The following TENM2 variants were observed in gnomAD, a reference collection of about 807,000 sequenced individuals.
TENM2 encodes the protein teneurin transmembrane protein 2.
In TENM2, 52 loss-of-function variants were observed where a neutral mutation model predicts 245.2. The observed-to-expected ratio is 0.21, with a 90% CI of 0.17 to 0.27. The LOEUF is 0.27. Ranked by LOEUF, TENM2 falls within the 10% of genes least tolerant of loss-of-function variation. The probability of loss-of-function intolerance (pLI) is 1.00; values close to 1 mark genes in which losing one functional copy is unlikely to be tolerated. For synonymous variants in TENM2, 1,363 were observed against 1,438.9 expected, an observed-to-expected ratio of 0.95 and a Z score of 1.19; for missense variants, 3,046 against 3,666.8, an observed-to-expected ratio of 0.83 and a Z score of 4.37.
At chr5:167,473,486 TTTTAAAAATATA>T (rs1419228863) in intron 2 of TENM2, among the ~76,000 whole-genome samples, 2 of 152,222 alleles carry the variant, frequency 1.3e-5, no homozygotes, top group East Asian at 3.8e-4. Flanking sequence ...CATTCTGAAT[TTTTAAAAATATA>T]TTTGAAAATA....
At chr5:167,962,026 T>C (rs1272914075) in intron 4 of TENM2, among the ~76,000 whole-genome samples, 2 of 152,232 alleles carry the variant, frequency 1.3e-5, no homozygotes, top group Non-Finnish European at 2.9e-5. Flanking sequence ...TTTCTAGATT[T>C]ATTTTGAATA....
intron 2 of TENM2, among the ~76,000 whole-genome samples, chr5:167,695,711 C>T (rs1269017851): frequency 6.7e-6 from 1 of 149,514 alleles, no homozygotes; most frequent in Non-Finnish European, 1.5e-5. Context: ...TGAATTTCTA[C>T]TTAGAATGGT....
intron 2 of TENM2, among the ~76,000 whole-genome samples, chr5:167,669,567 G>A (rs1203741539): frequency 6.6e-6 from 1 of 151,880 alleles, no homozygotes; most frequent in East Asian, 1.9e-4. Context: ...ATTATATATT[G>A]TGCTTTTTTT....
chr5:168,218,195 A>G lies in TENM2; in HGVS notation c.4304A>G (p.Asn1435Ser), dbSNP rs776136232. ...AACTCCTTGTATGTTCTAGAGAACA[A>G]TGTCATCCTTCGAATCACCGAGAAC... The change falls in exon 23 of 29, where the codon AAT (asparagine) becomes AGT (serine). Residue 1435 changes from asparagine (N) to serine (S), a missense_variant. Transcript: ENST00000518659. This position sits in a 1 kb window ranked among gnomAD's most constrained non-coding sequence, Gnocchi z 5.2. The G allele has an allele frequency of 2.0e-5, 32 of 1,613,738 alleles. No homozygotes were observed. The highest frequency in any genetic ancestry group is 2.7e-5 in the Non-Finnish European group (32 of 1,179,880).
chr5:167,284,752 CTA>C, upstream of TENM2: 2 of 997,606 alleles, frequency 2.0e-6, no homozygotes, highest in Non-Finnish European at 3.0e-6. Flanking sequence ...GTTTTTTCTT[CTA>C]TGTTTTCAGG....
chr5:168,104,003 GGTTTGTTTGTTT>G (rs61381928), intron 9 of TENM2, among the ~76,000 whole-genome samples: 275 of 150,000 alleles, frequency 1.8e-3, no homozygotes, highest in Middle Eastern at 0.014. Context: ...TTTCTTTTCT[GGTTTGTTTGTTT>G]GTTTGTTTGT....
chr5:167,315,327 A>G (rs1002150033), intron 1 of TENM2, among the ~76,000 whole-genome samples: 1 of 152,122 alleles, frequency 6.6e-6, no homozygotes, highest in African/African-American at 2.4e-5. Context: ...TATGTTTGTT[A>G]ACTTATGTTT....
At chr5:167,370,992 T>G (rs1323514263) in intron 1 of TENM2, among the ~76,000 whole-genome samples, 1 of 152,170 alleles carries the variant, frequency 6.6e-6, no homozygotes, top group Non-Finnish European at 1.5e-5. Context: ...AAACAGTAAG[T>G]TGAGCTAGTA....
At chr5:167,443,406 CAG>C (rs1244776169) in intron 2 of TENM2, among the ~76,000 whole-genome samples, 1 of 152,174 alleles carries the variant, frequency 6.6e-6, no homozygotes, top group Non-Finnish European at 1.5e-5. Flanking sequence ...CCCACAAAGA[CAG>C]AGTTGAAAAG....
At chr5:168,084,826 C>T (rs1792308056) in intron 7 of TENM2, among the ~76,000 whole-genome samples, 1 of 152,178 alleles carries the variant, frequency 6.6e-6, no homozygotes, top group South Asian at 2.1e-4. Context: ...TTTCTCTGCC[C>T]CAGTGTGATG....
chr5:167,774,785 G>A (rs1056154852), intron 2 of TENM2, among the ~76,000 whole-genome samples: 1 of 152,134 alleles, frequency 6.6e-6, no homozygotes, highest in African/African-American at 2.4e-5. Flanking sequence ...TTCGAGGACT[G>A]TCAGCAGCAA....
intron 2 of TENM2, among the ~76,000 whole-genome samples, chr5:167,665,731 G>A (rs186221279): frequency 6.6e-5 from 10 of 152,184 alleles, no homozygotes; most frequent in South Asian, 6.2e-4. Context: ...ATAATGTGGC[G>A]TGTAATAGCT....
At chr5:167,755,106 A>T (rs1312568692) in intron 2 of TENM2, 1 of 1,599,116 alleles carries the variant, frequency 6.3e-7, no homozygotes, top group Non-Finnish European at 8.5e-7. Flanking sequence ...ATTGAATGCA[A>T]GCCAGATCAT....
At chr5:168,077,809 T>C (rs1040819376) in intron 7 of TENM2, among the ~76,000 whole-genome samples, 20 of 152,250 alleles carry the variant, frequency 1.3e-4, no homozygotes, top group African/African-American at 4.8e-4. Flanking sequence ...TGCCATATTT[T>C]CTTAAACCAG....
chr5:167,655,884 G>A (rs1256273580), intron 2 of TENM2, among the ~76,000 whole-genome samples: 1 of 152,088 alleles, frequency 6.6e-6, no homozygotes, highest in African/African-American at 2.4e-5. Context: ...GCCTGCCAGG[G>A]CCACCTTTTG....
At chr5:167,377,655 C>G (rs1256642385) in intron 2 of TENM2, among the ~76,000 whole-genome samples, 1 of 152,172 alleles carries the variant, frequency 6.6e-6, no homozygotes, top group African/African-American at 2.4e-5. Context: ...GTGTGAGCAA[C>G]TCTGCAGGCA....
intron 12 of TENM2, among the ~76,000 whole-genome samples, chr5:168,128,504 A>C (rs762771477): frequency 6.6e-5 from 10 of 152,262 alleles, no homozygotes; most frequent in Middle Eastern, 3.4e-3. Context: ...CTTTTAATTC[A>C]CACAATCCAA....
intron 2 of TENM2, among the ~76,000 whole-genome samples, chr5:167,612,220 CTGATCCT>C (rs1777521627): frequency 6.6e-6 from 1 of 152,124 alleles, no homozygotes; most frequent in African/African-American, 2.4e-5. Context: ...CTAAATAGAG[CTGATCCT>C]TGCCATCCAT....
At chr5:168,047,888 G>C (rs1336234021) in intron 6 of TENM2, among the ~76,000 whole-genome samples, 1 of 147,754 alleles carries the variant, frequency 6.8e-6, no homozygotes, top group Non-Finnish European at 1.5e-5. Flanking sequence ...TGGAGTGGCA[G>C]CAGCAGCAGC....
Sources: gnomAD v4.1 joint callset for allele counts (sites outside exome capture counted in the v4.1 genomes callset) on GRCh38, gnomAD v4.1.1 for gene constraint, Gnocchi (gnomAD v3.1) non-coding constraint, MANE v1.5 for transcripts, NCBI Gene and HGNC (gene_info 2026-07-23, HGNC 2026-07-21) for gene names.